The following SLC22A8 variants were observed in gnomAD, a reference collection of about 807,000 sequenced individuals.
SLC22A8 encodes organic anion transporter 3.
A neutral mutation model predicts 48.4 loss-of-function variants in SLC22A8; 40 were observed. The ratio of observed to expected loss-of-function variants is 0.83; its 90% CI spans 0.64 to 1.08. SLC22A8 has a LOEUF of 1.08. Among genes scored for constraint, SLC22A8 ranks in the 50% least tolerant of loss-of-function variants. The pLI is 0.00. For synonymous variants in SLC22A8, 268 were observed against 286.3 expected (o/e 0.94, Z 0.65); for missense variants, 606 against 699.0 (o/e 0.87, Z 1.50).
At chr11:63,010,737 C>T (rs556334973) in intron 2 of SLC22A8, among the ~76,000 whole-genome samples, 11 of 152,308 alleles carry the variant, frequency 7.2e-5, no homozygotes, top group Non-Finnish European at 1.5e-4. Context: ...TGGTGACCCC[C>T]GGCGTCCTGC....
In SLC22A8 at chr11:62,993,590, C is replaced by T. The variant is rs777689385; in HGVS notation, c.1363G>A (p.Val455Met). Residue 455 changes from valine to methionine, a missense_variant, in exon 10 of 11, where the codon GTG (valine) becomes ATG (methionine). Val to Met is a conservative substitution (Grantham distance 21). Coordinates refer to ENST00000336232, the MANE Select transcript of SLC22A8 (RefSeq NM_004254.4). ...ACCAGCGGGGACACCATGCTTCCCA[C>T]GCGGGTCCACAGGTTACTTACGCCC... ...GMGVSNLWTR[V>M]GSMVSPLVKI... The T allele has an allele frequency of 1.1e-5, 17 of 1,612,830 alleles. No homozygotes were observed. The highest frequency in any genetic ancestry group is 4.5e-5 in the East Asian group (2 of 44,852).
chr11:63,004,290 A>T lies in SLC22A8; in HGVS notation c.334-3467T>A, dbSNP rs900929494. 5.3e-5 allele frequency among the ~76,000 whole-genome samples: 8 copies of T among 152,238 alleles called. No homozygotes were observed. In the South Asian group the frequency reaches 1.0e-3, roughly 20 times the overall value. ...AATAAACTTTTGAGACCTGTTTAGA[A>T]CATGCCTGAATCCTTACAATGGCTT... On this transcript the variant is annotated intron_variant, in intron 2 of 10. Coordinates refer to ENST00000336232, the MANE Select transcript of SLC22A8 (RefSeq NM_004254.4).
At chr11:63,012,182 G>A (rs1251081773) in intron 2 of SLC22A8, among the ~76,000 whole-genome samples, 3 of 151,990 alleles carry the variant, frequency 2.0e-5, no homozygotes, top group Non-Finnish European at 4.4e-5. Flanking sequence ...TAGAGACAGG[G>A]TTTCACCATA....
chr11:63,002,802 G>A (rs1441052777), intron 2 of SLC22A8, among the ~76,000 whole-genome samples: 1 of 152,172 alleles, frequency 6.6e-6, no homozygotes, highest in Non-Finnish European at 1.5e-5. Context: ...GATATTTATT[G>A]AGGGTGTTCT....
intron 2 of SLC22A8, among the ~76,000 whole-genome samples, chr11:63,012,932 G>A (rs1450537586): frequency 1.3e-5 from 2 of 152,164 alleles, no homozygotes; most frequent in Admixed American, 6.5e-5. Context: ...AAACATGACA[G>A]GGAGGAGATA....
chr11:63,009,035 G>A (rs1487949032), intron 2 of SLC22A8, among the ~76,000 whole-genome samples: 2 of 152,194 alleles, frequency 1.3e-5, no homozygotes, highest in Admixed American at 1.3e-4. Flanking sequence ...GGTCAGGGCT[G>A]TCAATAGGGA....
chr11:63,000,341 A>C (rs2086477438), intron 3 of SLC22A8, among the ~76,000 whole-genome samples: 1 of 152,110 alleles, frequency 6.6e-6, no homozygotes, highest in Non-Finnish European at 1.5e-5. Context: ...AAAATTAGCC[A>C]GGCGTGGTGA....
chr11:62,995,858 AGC>A, intron 6 of SLC22A8, 39 bp from the exon 7 acceptor site: 7 of 1,545,692 alleles, frequency 4.5e-6, no homozygotes, highest in Non-Finnish European at 6.3e-6. Context: ...ATTAATGACC[AGC>A]TAGTGGGCAG....
At chr11:63,008,636 A>G (rs2086582889) in intron 2 of SLC22A8, among the ~76,000 whole-genome samples, 1 of 152,212 alleles carries the variant, frequency 6.6e-6, no homozygotes, top group African/African-American at 2.4e-5. Flanking sequence ...TTATACCTGG[A>G]AAACAATAGG....
chr11:63,006,898 C>T lies in SLC22A8; in HGVS notation c.334-6075G>A, dbSNP rs190562223. ...CTGGGATTACAGGCGTGAGCCACCG[C>T]GCCCAGCCTTGAGGTTTTATCTCTA... On this transcript the variant is annotated intron_variant, in intron 2 of 10. Transcript: ENST00000336232. 6.0e-3 allele frequency among the ~76,000 whole-genome samples: 913 copies of T among 152,098 alleles called. 10 individuals are homozygous for T. The highest frequency in any genetic ancestry group is 0.021 in the African/African-American group (859 of 41,472).
chr11:62,996,215 A>G lies in SLC22A8; in HGVS notation c.762-63T>C. On this transcript the variant is annotated intron_variant, in intron 5 of 10. Transcript: ENST00000336232. ...TCCAGAGCCCCTTTTGAGAGGCTGGAAGAACATCAACAGCCAGGGCCAAGG... is the reference window on the plus strand; with the variant it reads ...TCCAGAGCCCCTTTTGAGAGGCTGGGAGAACATCAACAGCCAGGGCCAAGG... 1.3e-6 allele frequency: 2 copies of G among 1,506,634 alleles called. 1 individual carries two copies. The highest frequency in any genetic ancestry group is 2.6e-5 in the South Asian group (2 of 76,186). The allele number at this position is 1,506,634 out of a possible 1,614,324, so 93.3% of individuals were successfully genotyped here. A position where few individuals can be genotyped will look rare whatever the true frequency, so the allele number is the denominator to read the frequency against.
intron 2 of SLC22A8, among the ~76,000 whole-genome samples, chr11:63,012,499 C>T (rs1335215117): frequency 6.6e-6 from 1 of 152,318 alleles, no homozygotes; most frequent in East Asian, 1.9e-4. Flanking sequence ...GTGCGCTGCT[C>T]ACTAACTCCT....
chr11:63,000,657 G>A (rs2086482472), intron 3 of SLC22A8, 63 bp downstream of exon 3: 2 of 1,213,136 alleles, frequency 1.6e-6, no homozygotes, highest in South Asian at 2.5e-5. Flanking sequence ...CACGGGTGGA[G>A]CAGAGTAGGG....
chr11:63,012,042 T>A (rs1415733999), intron 2 of SLC22A8, among the ~76,000 whole-genome samples: 1 of 150,914 alleles, frequency 6.6e-6, no homozygotes, highest in Non-Finnish European at 1.5e-5. Flanking sequence ...CAGGCTGGAG[T>A]GCAGTGGTGT....
chr11:62,992,936 G>A lies in SLC22A8; in HGVS notation c.*301C>T. On this transcript the variant is annotated 3_prime_UTR_variant, in exon 11 of 11. Coordinates refer to ENST00000336232, the MANE Select transcript of SLC22A8 (RefSeq NM_004254.4). ...TCAGTCTTGTTAGGACTGAGCCAGGGGATATCAGGGGACCTCAGGGGAAGA... is the reference window on the plus strand; with the variant it reads ...TCAGTCTTGTTAGGACTGAGCCAGGAGATATCAGGGGACCTCAGGGGAAGA... The A allele has an allele frequency of 2.2e-6, 1 of 449,686 alleles. No individual in the cohort carries two copies. The highest frequency in any genetic ancestry group is 4.0e-6 in the Non-Finnish European group (1 of 252,750). 27.9% of individuals were successfully genotyped at this position (449,686 alleles called of 1,614,324 possible).
chr11:63,003,875 C>T (rs2086525748), intron 2 of SLC22A8, among the ~76,000 whole-genome samples: 1 of 152,156 alleles, frequency 6.6e-6, no homozygotes, highest in African/African-American at 2.4e-5. Context: ...CAGAACCACC[C>T]ATTGGCCTAA....
In SLC22A8 at chr11:62,993,162, G is replaced by A; in HGVS notation, c.*75C>T. 9.0e-7 allele frequency: 1 copy of A among 1,115,526 alleles called. No individual in the cohort carries two copies. Among genetic ancestry groups the A allele is most frequent in the Non-Finnish European group, 1.3e-6 (1 of 769,910 alleles). The allele number at this position is 1,115,526 out of a possible 1,614,324, so 69.1% of individuals were successfully genotyped here. On this transcript the variant is annotated 3_prime_UTR_variant, in exon 11 of 11. Transcript: ENST00000336232. ...TCATCCTAGGAGGATGGACCTATAT[G>A]GGGCCTCCCTATACTCCTAAGGTGC...
At chr11:62,995,486 T>C (rs2135117775) in intron 7 of SLC22A8, 1 of 568,990 alleles carries the variant, frequency 1.8e-6, no homozygotes, top group East Asian at 2.9e-5. Flanking sequence ...GGTGGGGCAT[T>C]GTGACCCCAG....
In SLC22A8 at chr11:63,000,807, T is replaced by G; in HGVS notation, c.350A>C (p.Asn117Thr). Residue 117 changes from asparagine to threonine, a missense_variant, in exon 3 of 11, where the codon AAC becomes ACC. By Grantham distance (65) the Asn-to-Thr change is moderately conservative. Coordinates refer to ENST00000336232, the MANE Select transcript of SLC22A8 (RefSeq NM_004254.4). The part of the protein sequence containing the change: ...SIVTEWDLVC[N>T]SNKLKEMAQS... ...GGCCATCTCCTTCAGTTTGTTGGAG[T>G]TGCACACCAAGTCCCACTGCACAAG... is the stretch of plus-strand genomic sequence containing the variant. 1 of 1,613,622 alleles carries G rather than the reference T, an allele frequency of 6.2e-7. No individual in the cohort carries two copies.
Sources: allele counts gnomAD v4.1 joint callset (sites outside exome capture counted in the v4.1 genomes callset), GRCh38; gene constraint gnomAD v4.1.1; transcripts MANE v1.5; gene names NCBI Gene and HGNC (gene_info 2026-07-23, HGNC 2026-07-21).